Variants in DENND2B observed in about 807,000 individuals in gnomAD.
DENND2B encodes DENN domain-containing protein 2B.
In DENND2B, 32 loss-of-function variants were observed where a neutral mutation model predicts 116.0. The ratio of observed to expected loss-of-function variants is 0.28; its 90% CI spans 0.21 to 0.37. The LOEUF (loss-of-function observed/expected upper bound fraction) is 0.37, where lower values mean the gene tolerates loss of function less well. Ranked by LOEUF, DENND2B falls within the 10% of genes least tolerant of loss-of-function variation. DENND2B has a pLI of 1.00. For synonymous variants in DENND2B, 588 were observed against 583.9 expected, an observed-to-expected ratio of 1.01 and a Z score of -0.10; for missense variants, 1,276 against 1,477.7, an observed-to-expected ratio of 0.86 and a Z score of 2.24.
chr11:8,735,856 A>G lies in DENND2B; in HGVS notation c.81-4647T>C, dbSNP rs150905990. On this transcript the variant is annotated intron_variant, in intron 2 of 19. Transcript: ENST00000313726. ...GATCCTCGTGACAAAGAGTTTGCACAGCAGGTGTCATCCCCTGGCATGGAT... is the reference window on the plus strand; with the variant it reads ...GATCCTCGTGACAAAGAGTTTGCACGGCAGGTGTCATCCCCTGGCATGGAT... Among the ~76,000 whole-genome samples the G allele has an allele frequency of 4.5e-3, 680 of 152,382 alleles. 6 individuals are homozygous for G. The highest frequency in any genetic ancestry group is 0.015 in the African/African-American group (627 of 41,596).
At chr11:8,798,566 G>A (rs1408096880) in intron 1 of DENND2B, among the ~76,000 whole-genome samples, 1 of 152,100 alleles carries the variant, frequency 6.6e-6, no homozygotes, top group Non-Finnish European at 1.5e-5. Flanking sequence ...TCCAGAAGAA[G>A]CTCAGCTTCT....
chr11:8,910,399 A>C (rs554257019), intron 1 of DENND2B, among the ~76,000 whole-genome samples: 1 of 151,524 alleles, frequency 6.6e-6, no homozygotes, highest in Non-Finnish European at 1.5e-5. Flanking sequence ...ATTCCCCATG[A>C]TGTTTTTGTT....
At chr11:8,771,782 A>G (rs1468322003) in intron 1 of DENND2B, 3 of 152,126 alleles carry the variant, frequency 2.0e-5, no homozygotes, top group African/African-American at 7.2e-5. Flanking sequence ...GCATCATCCC[A>G]TAGCAGAAAG....
chr11:8,892,181 C>G (rs2742532), intron 1 of DENND2B, among the ~76,000 whole-genome samples: 136,611 of 152,132 alleles, frequency 0.9, 63,139 homozygotes, highest in East Asian at 1. Flanking sequence ...TAAAGATGTT[C>G]TTTGAAACCA....
intron 4 of DENND2B, among the ~76,000 whole-genome samples, chr11:8,837,634 C>CA (rs1435626593): frequency 6.6e-6 from 1 of 152,208 alleles, no homozygotes; most frequent in East Asian, 1.9e-4. Flanking sequence ...GCGTGAGTCA[C>CA]CACATCCAGC....
chr11:8,727,338 C>G (rs1468360809), intron 3 of DENND2B, among the ~76,000 whole-genome samples: 1 of 152,170 alleles, frequency 6.6e-6, no homozygotes, highest in Non-Finnish European at 1.5e-5. Flanking sequence ...ACAGCTTGTT[C>G]TTAGCTTGCC....
At position 8,712,430 on chromosome 11, in the gene DENND2B, G is replaced by A; in HGVS notation, c.2172+121C>T. ...CTGGCTGAGAGGAGGCAGGTTCAGG[G>A]CTGTGGCAGCTCGGTGAGGACGTAT... On this transcript the variant is annotated intron_variant, in intron 9 of 19. Transcript: ENST00000313726. This position sits in a 1 kb window ranked among gnomAD's most constrained non-coding sequence, Gnocchi z 4.4. 1 of 1,182,664 alleles carries A rather than the reference G, an allele frequency of 8.5e-7. No homozygotes were observed. The highest frequency in any genetic ancestry group is 2.6e-5 in the Admixed American group (1 of 39,200). 73.3% of individuals were successfully genotyped at this position (1,182,664 alleles called of 1,614,324 possible). A position where few individuals can be genotyped will look rare whatever the true frequency, so the allele number is the denominator to read the frequency against.
intron 1 of DENND2B, chr11:8,895,591 G>A (rs913720365): frequency 1.3e-5 from 2 of 152,064 alleles, no homozygotes; most frequent in East Asian, 1.9e-4. Flanking sequence ...GCTGGGAGTA[G>A]GGAAGAATAG....
In DENND2B at chr11:8,713,899, C is replaced by A. The variant is rs535772851; in HGVS notation, c.1987+99G>T. 333 of 1,329,550 alleles carry A rather than the reference C, an allele frequency of 2.5e-4. 5 individuals are homozygous for A. The South Asian group carries it at 3.7e-3, about 15-fold the overall frequency. The allele number at this position is 1,329,550 out of a possible 1,614,324, so 82.4% of individuals were successfully genotyped here. ...TGTCTGTCACCTCTCCACATCAGGCCGGTTAGGGACACTGGAACCACACAT... is the reference window on the plus strand; with the variant it reads ...TGTCTGTCACCTCTCCACATCAGGCAGGTTAGGGACACTGGAACCACACAT... On this transcript the variant is annotated intron_variant, in intron 8 of 19. Coordinates refer to ENST00000313726, the MANE Select transcript of DENND2B (RefSeq NM_213618.2).
intron 11 of DENND2B, chr11:8,708,458 G>A: frequency 4.1e-6 from 2 of 483,574 alleles, no homozygotes; most frequent in Non-Finnish European, 5.4e-6. Context: ...CCCCTTTATA[G>A]ATGAGGCAAC....
chr11:8,722,492 A>G (rs1479736196), intron 4 of DENND2B, among the ~76,000 whole-genome samples: 1 of 152,116 alleles, frequency 6.6e-6, no homozygotes, highest in Non-Finnish European at 1.5e-5. Context: ...AGTCCGAGCC[A>G]CTGATCAGTC....
chr11:8,787,885 C>T (rs1053074729), intron 1 of DENND2B, among the ~76,000 whole-genome samples: 2 of 152,200 alleles, frequency 1.3e-5, no homozygotes, highest in African/African-American at 2.4e-5. Context: ...TCAAAGCTCT[C>T]CAAAACTCTG....
chr11:8,708,666 G>C (rs2043041923), intron 11 of DENND2B, among the ~76,000 whole-genome samples: 1 of 152,102 alleles, frequency 6.6e-6, no homozygotes, highest in Non-Finnish European at 1.5e-5. Flanking sequence ...TAAAAGGTAG[G>C]CATGGCCAGG....
intron 4 of DENND2B, among the ~76,000 whole-genome samples, chr11:8,826,597 A>G (rs2061985793): frequency 6.6e-6 from 1 of 152,172 alleles, no homozygotes; most frequent in African/African-American, 2.4e-5. Flanking sequence ...GCCATTCAAC[A>G]TCCGGTTCTT....
intron 1 of DENND2B, among the ~76,000 whole-genome samples, chr11:8,889,137 A>G (rs1393930846): frequency 6.6e-6 from 1 of 152,276 alleles, no homozygotes; most frequent in East Asian, 1.9e-4. Flanking sequence ...CCATGTTCAT[A>G]GCAGCATTAT....
In DENND2B at chr11:8,726,205, A is replaced by C. The variant is rs1359131754; in HGVS notation, c.1345T>G (p.Ser449Ala). ...CTGGATGCATCCTCAAACTCAAAGG[A>C]TTTTCTGTGGATAACAAGAGCAAGA... ...RGHRKSQSRK[S>A]FEFEDASSLQ... Residue 449 changes from serine (S) to alanine (A), a missense_variant, in exon 4 of 20, where the codon TCC becomes GCC. Around this residue, in one of 2 missense-constraint regions of DENND2B, gnomAD observed 856 missense variants for 846.6 expected, o/e 1.01. Coordinates refer to ENST00000313726, the MANE Select transcript of DENND2B (RefSeq NM_213618.2). The C allele has an allele frequency of 6.2e-7, 1 of 1,607,680 alleles. No homozygotes were observed. Among genetic ancestry groups the C allele is most frequent in the African/African-American group, 1.3e-5 (1 of 74,496 alleles).
chr11:8,770,900 A>G (rs2056740314), intron 1 of DENND2B, among the ~76,000 whole-genome samples: 1 of 152,150 alleles, frequency 6.6e-6, no homozygotes, highest in African/African-American at 2.4e-5. Context: ...GTGCACAGGG[A>G]AGTACGCACA....
In DENND2B at chr11:8,887,445, A is replaced by G. The variant is rs547859111; in HGVS notation, c.-255-6336T>C. ...AAATGGATTTGAAAATCCCTCTACTATCTTTACTAAAATAATCCTCCTACC... is the reference window on the plus strand; with the variant it reads ...AAATGGATTTGAAAATCCCTCTACTGTCTTTACTAAAATAATCCTCCTACC... On this transcript the variant is annotated intron_variant, in intron 1 of 22. Coordinates refer to the DENND2B transcript ENST00000534127. Among the ~76,000 whole-genome samples the G allele has an allele frequency of 4.6e-5, 7 of 152,244 alleles. 1 individual carries two copies. In the South Asian group the frequency reaches 1.2e-3, roughly 27 times the overall value.
In DENND2B at chr11:8,715,681, T is replaced by G. The variant is rs372061154; in HGVS notation, c.1767A>C (p.Ser589=). 1 of 1,613,862 alleles carries G rather than the reference T, an allele frequency of 6.2e-7. No individual in the cohort carries two copies. Among genetic ancestry groups the G allele is most frequent in the African/African-American group, 1.3e-5 (1 of 74,860 alleles). The change falls in exon 6 of 20, where the codon TCA becomes TCC. Residue 589 remains serine, a synonymous_variant. Coordinates refer to ENST00000313726, the MANE Select transcript of DENND2B (RefSeq NM_213618.2). ...GGCTGTCTTCATTGAGGCTGGAGGGTGAGGACGGCAGACTCAGCTGAGCCA... is the reference window on the plus strand; with the variant it reads ...GGCTGTCTTCATTGAGGCTGGAGGGGGAGGACGGCAGACTCAGCTGAGCCA... ...LLLAQLSLPS[S]PSSLNEDSLS...
Sources: gnomAD v4.1 joint callset for allele counts (sites outside exome capture counted in the v4.1 genomes callset) on GRCh38, gnomAD v4.1.1 for gene constraint, gnomAD v4.1.1 regional missense constraint, Gnocchi (gnomAD v3.1) non-coding constraint, MANE v1.5 for transcripts, NCBI Gene and HGNC (gene_info 2026-07-23, HGNC 2026-07-21) for gene names.